HAGHL: variants seen among roughly 807,000 people sequenced by gnomAD.
The protein encoded by HAGHL is hydroxyacylglutathione hydrolase-like protein.
In HAGHL, 27 loss-of-function variants were observed where a neutral mutation model predicts 29.2. The ratio of observed to expected loss-of-function variants is 0.92; its 90% CI spans 0.68 to 1.27. The LOEUF is 1.27. Ranked by LOEUF, HAGHL falls within the 50% of genes most tolerant of loss-of-function variation. The pLI, the probability that HAGHL is intolerant of heterozygous loss-of-function variation, is 0.00. For missense variants in HAGHL, 529 were observed against 405.5 expected (o/e 1.30, Z -2.62); for synonymous variants, 223 against 185.7 (o/e 1.20, Z -1.63).
In HAGHL at chr16:729,319, G is replaced by A; in HGVS notation, c.712G>A (p.Ala238Thr). 6.5e-7 allele frequency: 1 copy of A among 1,533,024 alleles called. No homozygotes were observed. Among genetic ancestry groups the A allele is most frequent in the Non-Finnish European group, 8.8e-7 (1 of 1,140,528 alleles). The allele number at this position is 1,533,024 out of a possible 1,614,324, so 95.0% of individuals were successfully genotyped here. Reference protein sequence around the residue: ...EEPVRKFTGKAVPADVLEALC... With the variant: ...EEPVRKFTGKTVPADVLEALC... ...GCCGGTGCGCAAGTTCACGGGCAAG[G>A]CGGTCCCCGCCGACGTCCTGGAGGC... is the stretch of plus-strand genomic sequence containing the variant. The change falls in exon 8 of 8, where the codon GCG becomes ACG. Residue 238 changes from alanine (A) to threonine (T), a missense_variant. Physicochemically the swap from Ala to Thr is moderately conservative, Grantham distance 58. Coordinates refer to ENST00000389703, the MANE Select transcript of HAGHL (RefSeq NM_032304.4).
Position 727,526 on chromosome 16 carries a change from T to C in HAGHL, c.17T>C (p.Ile6Thr). The change falls in exon 1 of 8, where the codon ATC (isoleucine) becomes ACC (threonine). Residue 6 changes from isoleucine (I) to threonine (T), a missense_variant. Physicochemically the swap from Ile to Thr is moderately conservative, Grantham distance 89. Coordinates refer to ENST00000389703, the MANE Select transcript of HAGHL (RefSeq NM_032304.4). ...TCCGTGACCATGAAGGTCAAGGTCA[T>C]CCCCGTGCTCGAGGACAACTACATG... MKVKV[I>T]PVLEDNYMYL... 1 of 1,610,178 alleles carries C rather than the reference T, an allele frequency of 6.2e-7. No homozygotes were observed.
chr16:729,578 TC>T lies in HAGHL; in HGVS notation c.*123del. ...GCCCTGGCCAGCCATCTGCCCAGCCTCGGAGGGTGGGCAACCTGGTGCTTCC... is the reference window on the plus strand; with the variant it reads ...GCCCTGGCCAGCCATCTGCCCAGCCTGGAGGGTGGGCAACCTGGTGCTTCC... On this transcript the variant is annotated 3_prime_UTR_variant, in exon 8 of 8. Coordinates refer to ENST00000389703, the MANE Select transcript of HAGHL (RefSeq NM_032304.4). 1 of 1,531,604 alleles carries T rather than the reference TC, an allele frequency of 6.5e-7. No homozygotes were observed. Among genetic ancestry groups the T allele is most frequent in the Non-Finnish European group, 8.7e-7 (1 of 1,145,290 alleles). 94.9% of individuals were successfully genotyped at this position (1,531,604 alleles called of 1,614,324 possible). A position where few individuals can be genotyped will look rare whatever the true frequency, so the allele number is the denominator to read the frequency against.
Position 729,507 on chromosome 16 carries a change from G to C in HAGHL, c.*51G>C. The C allele has an allele frequency of 6.5e-7, 1 of 1,536,064 alleles. No individual in the cohort carries two copies. Among genetic ancestry groups the C allele is most frequent in the South Asian group, 1.2e-5 (1 of 83,946 alleles). ...GGCCTGCGTCCCTCCTCGTGACCTC[G>C]GCCAGCTGGACCCACATGAGGGCCA... On this transcript the variant is annotated 3_prime_UTR_variant, in exon 8 of 8. Transcript: ENST00000389703.
rs961231683 is a variant in HAGHL, at chr16:729,542, C to T, written c.*86C>T. The T allele has an allele frequency of 3.9e-6, 6 of 1,533,462 alleles. No individual in the cohort carries two copies. The highest frequency in any genetic ancestry group is 2.7e-5 in the African/African-American group (2 of 72,940). 95.0% of individuals were successfully genotyped at this position (1,533,462 alleles called of 1,614,324 possible). On this transcript the variant is annotated 3_prime_UTR_variant, in exon 8 of 8. Transcript: ENST00000389703. ...ACCCACATGAGGGCCACCTCTGGAA[C>T]CTTCTTCGAGGCCCTGGCCAGCCAT... is the stretch of plus-strand genomic sequence containing the variant.
intron 7 of HAGHL, 92 bp from the exon 8 acceptor site, chr16:729,196 G>T (rs763310000): frequency 1.3e-6 from 2 of 1,562,544 alleles, no homozygotes; most frequent in Non-Finnish European, 1.7e-6. Flanking sequence ...GGGGGAGGCT[G>T]CTCATTAAGT....
chr16:729,340 GA>G lies in HAGHL; in HGVS notation c.734del (p.Glu245GlyfsTer32). The stretch of plus-strand genomic sequence containing the variant: ...CAAGGCGGTCCCCGCCGACGTCCTG[GA>G]GGCGCTATGCAAGGAGCGGGCGCGC... ...TGKAVPADVL[E>X]ALCKERARFE... is the part of the protein sequence containing the mutation. On this transcript the variant is annotated frameshift_variant, in exon 8 of 8. Transcript: ENST00000389703. LOFTEE classifies it low-confidence loss of function (END_TRUNC). The G allele has an allele frequency of 6.5e-7, 1 of 1,534,758 alleles. No individual in the cohort carries two copies.
In HAGHL at chr16:728,112, G is replaced by C. The variant is rs566516182; in HGVS notation, c.171-4G>C. The C allele has an allele frequency of 1.4e-6, 2 of 1,465,790 alleles. No homozygotes were observed. The highest frequency in any genetic ancestry group is 1.8e-6 in the Non-Finnish European group (2 of 1,114,428). 90.8% of individuals were successfully genotyped at this position (1,465,790 alleles called of 1,614,324 possible). On this transcript the variant is annotated splice_region_variant and splice_polypyrimidine_tract_variant and intron_variant, in intron 2 of 7. Coordinates refer to ENST00000389703, the MANE Select transcript of HAGHL (RefSeq NM_032304.4). ...TAACCCGGCCCCCGCCCGCCCGCCC[G>C]CAGGGACCACGCGCGGGGAAACCCG...
Position 728,863 on chromosome 16 carries a change from G to T in HAGHL, c.568G>T (p.Asp190Tyr). 6.5e-7 allele frequency: 1 copy of T among 1,527,078 alleles called. No homozygotes were observed. The highest frequency in any genetic ancestry group is 1.1e-5 in the South Asian group (1 of 89,396). 94.6% of individuals were successfully genotyped at this position (1,527,078 alleles called of 1,614,324 possible). A position where few individuals can be genotyped will look rare whatever the true frequency, so the allele number is the denominator to read the frequency against. Residue 190 changes from aspartate to tyrosine, a missense_variant, in exon 6 of 8, where the codon GAC becomes TAC. By Grantham distance (160) the Asp-to-Tyr change is radical. Coordinates refer to ENST00000389703, the MANE Select transcript of HAGHL (RefSeq NM_032304.4). ...TGCCCAGAAAGTGGAGCCCTGCAAC[G>T]ACCACGTGAGAGCCAAGCTGTCCTG... ...EFAQKVEPCN[D>Y]HVRAKLSWAK... is the part of the protein sequence containing the mutation.
chr16:729,463 C>T lies in HAGHL; in HGVS notation c.*7C>T. The T allele has an allele frequency of 6.5e-7, 1 of 1,539,702 alleles. No homozygotes were observed. ...TGCAGCCCCACACGACTGAGCCACCCAGACCCTCACAGGGCTGGGGCCTGC... is the reference window on the plus strand; with the variant it reads ...TGCAGCCCCACACGACTGAGCCACCTAGACCCTCACAGGGCTGGGGCCTGC... On this transcript the variant is annotated 3_prime_UTR_variant, in exon 8 of 8. Coordinates refer to ENST00000389703, the MANE Select transcript of HAGHL (RefSeq NM_032304.4).
chr16:729,677 C>T lies in HAGHL; in HGVS notation c.*221C>T, dbSNP rs1316966104. 1 of 1,505,200 alleles carries T rather than the reference C, an allele frequency of 6.6e-7. No individual in the cohort carries two copies. Among genetic ancestry groups the T allele is most frequent in the Non-Finnish European group, 8.8e-7 (1 of 1,131,322 alleles). 93.2% of individuals were successfully genotyped at this position (1,505,200 alleles called of 1,614,324 possible). On this transcript the variant is annotated 3_prime_UTR_variant, in exon 8 of 8. Coordinates refer to ENST00000389703, the MANE Select transcript of HAGHL (RefSeq NM_032304.4). ...ACCTGGGTGTCTGGGAAGTGGGGCA[C>T]ACGGGGCCTCCGAACTATGAATAAA...
intron 5 of HAGHL, 67 bp from the exon 6 acceptor site, chr16:728,727 G>GC (rs1037854902): frequency 8.1e-6 from 12 of 1,476,976 alleles, no homozygotes; most frequent in Non-Finnish European, 1.1e-5. Context: ...GGGAGGCCAG[G>GC]CCCCCGGCGC....
chr16:728,292 G>A, intron 3 of HAGHL, 24 bp from the exon 4 acceptor site: 4 of 1,526,080 alleles, frequency 2.6e-6, no homozygotes, highest in Non-Finnish European at 2.6e-6. Flanking sequence ...CGCCCTCACA[G>A]GTCCGCCTGC....
Position 727,624 on chromosome 16 carries a change from G to C in HAGHL, c.105+10G>C. The stretch of plus-strand genomic sequence containing the variant: ...GGCTGTGCCCAAGAGGGTGAGGGCA[G>C]GCCGCGGGCCGCAGGGACCCGGCCG... On this transcript the variant is annotated intron_variant, in intron 1 of 7. Transcript: ENST00000389703. 6.3e-7 allele frequency: 1 copy of C among 1,578,638 alleles called. No homozygotes were observed. Among genetic ancestry groups the C allele is most frequent in the Non-Finnish European group, 8.7e-7 (1 of 1,154,262 alleles).
In HAGHL at chr16:727,529, C is replaced by A; in HGVS notation, c.20C>A (p.Pro7His). 2 of 1,610,642 alleles carry A rather than the reference C, an allele frequency of 1.2e-6. No individual in the cohort carries two copies. The highest frequency in any genetic ancestry group is 1.7e-4 in the Middle Eastern group (1 of 6,054). ...GTGACCATGAAGGTCAAGGTCATCC[C>A]CGTGCTCGAGGACAACTACATGTAC... MKVKVI[P>H]VLEDNYMYLV... The change falls in exon 1 of 8, where the codon CCC becomes CAC. Residue 7 changes from proline (P) to histidine (H), a missense_variant. Physicochemically the swap from Pro to His is moderately conservative, Grantham distance 77. Transcript: ENST00000389703.
chr16:728,939 G>A (rs2041214154), intron 6 of HAGHL, 44 bp downstream of exon 6: 3 of 540,938 alleles, frequency 5.5e-6, no homozygotes, highest in Non-Finnish European at 1.0e-5. Flanking sequence ...GGGGGGGAGG[G>A]AACAGGCTTC....
intron 1 of HAGHL, 121 bp downstream of exon 1, chr16:727,735 C>T: frequency 1.3e-6 from 1 of 745,656 alleles, no homozygotes; most frequent in South Asian, 1.8e-5. Context: ...GGCTGGGGTT[C>T]CTTGTTTATC....
chr16:727,364 G>A lies in HAGHL; in HGVS notation c.-146G>A. On this transcript the variant is annotated 5_prime_UTR_variant, in exon 1 of 8. Coordinates refer to ENST00000389703, the MANE Select transcript of HAGHL (RefSeq NM_032304.4). ...GTGCCGGGGAGTTCCTGGGGAGCCGGGCTTCTCTTTTGGCCCCCAGCGTGT... is the reference window on the plus strand; with the variant it reads ...GTGCCGGGGAGTTCCTGGGGAGCCGAGCTTCTCTTTTGGCCCCCAGCGTGT... 2 of 555,012 alleles carry A rather than the reference G, an allele frequency of 3.6e-6. No individual in the cohort carries two copies. Among genetic ancestry groups the A allele is most frequent in the East Asian group, 3.3e-5 (1 of 30,604 alleles). The allele number at this position is 555,012 out of a possible 1,614,324, so 34.4% of individuals were successfully genotyped here.
Position 729,297 on chromosome 16 carries a change from G to C in HAGHL, c.690G>C (p.Pro230=). The part of the protein sequence containing the change: ...YNPFLRVAEE[P]VRKFTGKAVP... The stretch of plus-strand genomic sequence containing the variant: ...GCACCCCTCCCTGCAGAGAGGAGCC[G>C]GTGCGCAAGTTCACGGGCAAGGCGG... The change falls in exon 8 of 8, where the codon CCG becomes CCC. Residue 230 remains proline, a synonymous_variant. Coordinates refer to ENST00000389703, the MANE Select transcript of HAGHL (RefSeq NM_032304.4). The C allele has an allele frequency of 6.6e-7, 1 of 1,525,542 alleles. No homozygotes were observed. Among genetic ancestry groups the C allele is most frequent in the East Asian group, 2.4e-5 (1 of 41,470 alleles). The allele number at this position is 1,525,542 out of a possible 1,614,324, so 94.5% of individuals were successfully genotyped here.
At position 729,035 on chromosome 16, in the gene HAGHL, T is replaced by C; in HGVS notation, c.627T>C (p.Thr209=). 1 of 1,610,360 alleles carries C rather than the reference T, an allele frequency of 6.2e-7. No homozygotes were observed. Among genetic ancestry groups the C allele is most frequent in the African/African-American group, 1.3e-5 (1 of 75,032 alleles). Residue 209 remains threonine (T), a synonymous_variant, in exon 7 of 8, where the codon ACT becomes ACC. Coordinates refer to ENST00000389703, the MANE Select transcript of HAGHL (RefSeq NM_032304.4). ...AGAGGGATGAGGATGACGTGCCCACTGTGCCGTCGACTCTGGGCGAGGAGC... is the reference window on the plus strand; with the variant it reads ...AGAGGGATGAGGATGACGTGCCCACCGTGCCGTCGACTCTGGGCGAGGAGC... The part of the protein sequence containing the change: ...AKKRDEDDVP[T]VPSTLGEERL...
Sources: gnomAD v4.1 joint callset for allele counts on GRCh38, gnomAD v4.1.1 for gene constraint, MANE v1.5 for transcripts, NCBI Gene and HGNC (gene_info 2026-07-23, HGNC 2026-07-21) for gene names.